The following FBH1 variants were observed in gnomAD, a reference collection of about 807,000 sequenced individuals.
The protein encoded by FBH1 is DNA 3'-5' helicase 1.
FBH1 carries 43 observed loss-of-function variants against 115.5 expected under a neutral mutation model. The ratio of observed to expected loss-of-function variants is 0.37; its 90% CI spans 0.29 to 0.48. The LOEUF (loss-of-function observed/expected upper bound fraction) is 0.48. FBH1 is among the 20% of genes least tolerant of loss of function. The probability of loss-of-function intolerance (pLI) is 0.99; values close to 1 mark genes in which losing one functional copy is unlikely to be tolerated. For missense variants in FBH1, 1,001 were observed against 1,337.3 expected, an observed-to-expected ratio of 0.75 and a Z score of 3.92; for synonymous variants, 524 against 507.8, an observed-to-expected ratio of 1.03 and a Z score of -0.43.
chr10:5,931,907 G>A lies in FBH1; in HGVS notation c.2829+4366G>A, dbSNP rs184983249. Among the ~76,000 whole-genome samples, 138 of 152,318 alleles carry A rather than the reference G, an allele frequency of 9.1e-4. No homozygotes were observed. The highest frequency in any genetic ancestry group is 3.2e-3 in the African/African-American group (131 of 41,564). On this transcript the variant is annotated intron_variant, in intron 19 of 20. Transcript: ENST00000362091. This position sits in a 1 kb window ranked among gnomAD's most constrained non-coding sequence, Gnocchi z 4.3. ...CCCTGTAATCCCAGCACTTTGCGGGGCTGAGGCAGACAGGTCACTTTAAGT... is the reference window on the plus strand; with the variant it reads ...CCCTGTAATCCCAGCACTTTGCGGGACTGAGGCAGACAGGTCACTTTAAGT...
rs2132131823 is a variant in FBH1 at position 5,933,387 on chromosome 10, C to G, written c.2830-3069C>G. Among the ~76,000 whole-genome samples the G allele has an allele frequency of 6.6e-6, 1 of 152,212 alleles. No homozygotes were observed. Among genetic ancestry groups the G allele is most frequent in the Non-Finnish European group, 1.5e-5 (1 of 67,994 alleles). On this transcript the variant is annotated intron_variant, in intron 19 of 20. Transcript: ENST00000362091. The surrounding 1 kb of genome is among the most constrained non-coding windows in gnomAD (Gnocchi z 4.9). ...TGGGCAACAAAGTGAGACTCTGTCTCAAAACAAACAAACAAAAAAGTGAAG... is the reference window on the plus strand; with the variant it reads ...TGGGCAACAAAGTGAGACTCTGTCTGAAAACAAACAAACAAAAAAGTGAAG...
chr10:5,908,808 A>G (rs632639), intron 3 of FBH1, 117 bp from the exon 4 acceptor site: 1,035,434 of 1,150,112 alleles, frequency 0.9, 466,743 homozygotes, highest in African/African-American at 0.96. Context: ...ACGGGGCTTC[A>G]CCATGTTGGC....
At position 5,903,002 on chromosome 10, in the gene FBH1, CCTG is replaced by C; in HGVS notation, c.2-14_2-12del. 2 of 1,592,088 alleles carry C rather than the reference CCTG, an allele frequency of 1.3e-6. No individual in the cohort carries two copies. The highest frequency in any genetic ancestry group is 1.7e-6 in the Non-Finnish European group (2 of 1,166,212). On this transcript the variant is annotated splice_polypyrimidine_tract_variant and intron_variant, in intron 1 of 20. Coordinates refer to ENST00000362091, the MANE Select transcript of FBH1 (RefSeq NM_178150.3). The stretch of plus-strand genomic sequence containing the variant: ...ACTAATGAATATCCCCTTTCTTCTA[CCTG>C]CTGGTATGAAACAGTGAGACGGTTT...
chr10:5,936,427 G>A lies in FBH1; in HGVS notation c.2830-29G>A, dbSNP rs200927571. 4.2e-5 allele frequency: 67 copies of A among 1,610,142 alleles called. No homozygotes were observed. The African/African-American group carries it at 8.1e-4, about 20-fold the overall frequency. On this transcript the variant is annotated intron_variant, in intron 19 of 20. Coordinates refer to ENST00000362091, the MANE Select transcript of FBH1 (RefSeq NM_178150.3). The surrounding 1 kb of genome is among the most constrained non-coding windows in gnomAD (Gnocchi z 5.6). ...TAGACCCTAACGGAGGTGTCGCCAT[G>A]ACTCTCTTTCTCGCTCTTTCTTTCT...
rs2132043492 is a variant in FBH1 at position 5,921,146 on chromosome 10, G to C, written c.2101-112G>C. The C allele has an allele frequency of 1.1e-6, 1 of 909,954 alleles. No homozygotes were observed. Among genetic ancestry groups the C allele is most frequent in the South Asian group, 1.6e-5 (1 of 61,926 alleles). The allele number at this position is 909,954 out of a possible 1,614,324, so 56.4% of individuals were successfully genotyped here. A position where few individuals can be genotyped will look rare whatever the true frequency, so the allele number is the denominator to read the frequency against. The stretch of plus-strand genomic sequence containing the variant: ...TGTGAAGTTCGCTTTCCATGCGGGG[G>C]GTCAGGAACAACTTGTAGGGTCTGG... On this transcript the variant is annotated intron_variant, in intron 13 of 20. Transcript: ENST00000362091. This position sits in a 1 kb window ranked among gnomAD's most constrained non-coding sequence, Gnocchi z 6.4.
chr10:5,909,785 T>A lies in FBH1; in HGVS notation c.1020+491T>A, dbSNP rs1449335825. 6.6e-6 allele frequency among the ~76,000 whole-genome samples: 1 copy of A among 152,222 alleles called. No homozygotes were observed. Among genetic ancestry groups the A allele is most frequent in the Non-Finnish European group, 1.5e-5 (1 of 68,044 alleles). ...GTTCAGGGATTCCCAGATTTTATCT[T>A]CGAAGCTACGTGCAACCTCTGCGTG... On this transcript the variant is annotated intron_variant, in intron 5 of 20. Transcript: ENST00000362091. The surrounding 1 kb of genome is among the most constrained non-coding windows in gnomAD (Gnocchi z 4.4).
At position 5,937,332 on chromosome 10, in the gene FBH1, G is replaced by T. The variant is rs952524566; in HGVS notation, c.*52G>T. ...CAGAGCAGCTTGCCGAGGACCCCGC[G>T]TGAAGAAAGCCAGCGAGGGGGGCTT... On this transcript the variant is annotated 3_prime_UTR_variant, in exon 21 of 21. Coordinates refer to ENST00000362091, the MANE Select transcript of FBH1 (RefSeq NM_178150.3). 1.4e-6 allele frequency: 2 copies of T among 1,437,552 alleles called. No individual in the cohort carries two copies. Among genetic ancestry groups the T allele is most frequent in the Non-Finnish European group, 1.8e-6 (2 of 1,088,454 alleles). The allele number at this position is 1,437,552 out of a possible 1,614,324, so 89.0% of individuals were successfully genotyped here.
rs1333489766 is a variant in FBH1, at chr10:5,932,258, T to G, written c.2830-4198T>G. 6.6e-6 allele frequency among the ~76,000 whole-genome samples: 1 copy of G among 152,248 alleles called. No homozygotes were observed. The highest frequency in any genetic ancestry group is 1.5e-5 in the Non-Finnish European group (1 of 68,050). On this transcript the variant is annotated intron_variant, in intron 19 of 20. Coordinates refer to ENST00000362091, the MANE Select transcript of FBH1 (RefSeq NM_178150.3). The surrounding 1 kb of genome is among the most constrained non-coding windows in gnomAD (Gnocchi z 5.9). ...GTTATTTTAAACAATTAGCGATTAA[T>G]CCTTCAGTATTTCTTTATGCAAGTA...
upstream of FBH1, chr10:5,889,710 C>A (rs569682714): frequency 2.1e-4 from 35 of 166,874 alleles, no homozygotes; most frequent in African/African-American, 7.8e-4. Context: ...CCTGGAGCTG[C>A]AGCGGCCCGT....
Position 5,915,307 on chromosome 10 carries a change from C to A in FBH1, c.1397-96C>A. ...ACTTGTTACTGTCCTGCTCTCAAGA[C>A]AGAGGTGTGATAAGCCTGGACAAGG... On this transcript the variant is annotated intron_variant, in intron 8 of 20. Coordinates refer to ENST00000362091, the MANE Select transcript of FBH1 (RefSeq NM_178150.3). This position sits in a 1 kb window ranked among gnomAD's most constrained non-coding sequence, Gnocchi z 5.2. 7.7e-7 allele frequency: 1 copy of A among 1,292,284 alleles called. No homozygotes were observed. Among genetic ancestry groups the A allele is most frequent in the Non-Finnish European group, 1.1e-6 (1 of 928,296 alleles). The allele number at this position is 1,292,284 out of a possible 1,614,324, so 80.1% of individuals were successfully genotyped here.
chr10:5,920,349 A>ATG (rs1204732339), intron 13 of FBH1, among the ~76,000 whole-genome samples: 9 of 152,264 alleles, frequency 5.9e-5, no homozygotes, highest in African/African-American at 2.2e-4. Context: ...CACCTGGCTG[A>ATG]TGTAGTGTTT....
chr10:5,917,405 T>G lies in FBH1; in HGVS notation c.1789-15T>G. On this transcript the variant is annotated splice_polypyrimidine_tract_variant and intron_variant, in intron 10 of 20. Coordinates refer to ENST00000362091, the MANE Select transcript of FBH1 (RefSeq NM_178150.3). This position sits in a 1 kb window ranked among gnomAD's most constrained non-coding sequence, Gnocchi z 5.6. ...GGGTCTCAAACTCTGGGTTACCATA[T>G]GCTTTACTTCCTAGAATGGTGTCCT... The G allele has an allele frequency of 6.2e-7, 1 of 1,612,314 alleles. No homozygotes were observed. Among genetic ancestry groups the G allele is most frequent in the Non-Finnish European group, 8.5e-7 (1 of 1,178,776 alleles).
rs1833025401 is a variant in FBH1, at chr10:5,932,551, T to A, written c.2830-3905T>A. 6.6e-6 allele frequency among the ~76,000 whole-genome samples: 1 copy of A among 152,244 alleles called. No individual in the cohort carries two copies. Among genetic ancestry groups the A allele is most frequent in the East Asian group, 1.9e-4 (1 of 5,198 alleles). On this transcript the variant is annotated intron_variant, in intron 19 of 20. Coordinates refer to ENST00000362091, the MANE Select transcript of FBH1 (RefSeq NM_178150.3). The surrounding 1 kb of genome is among the most constrained non-coding windows in gnomAD (Gnocchi z 5.9). ...TGACGCACTGTGATTTATGCCGTTC[T>A]CGCTCATGGACGTGGTCACTTCCAG...
At chr10:5,922,997 C>G (rs1486383523) in intron 15 of FBH1, among the ~76,000 whole-genome samples, 2 of 152,146 alleles carry the variant, frequency 1.3e-5, no homozygotes, top group Admixed American at 6.5e-5. Flanking sequence ...ATTCTCGTGC[C>G]TCGGCCTCCT....
rs1832140637 is a variant in FBH1, at chr10:5,918,853, A to G, written c.2100+375A>G. On this transcript the variant is annotated intron_variant, in intron 13 of 20. Transcript: ENST00000362091. The surrounding 1 kb of genome is among the most constrained non-coding windows in gnomAD (Gnocchi z 4.0). The stretch of plus-strand genomic sequence containing the variant: ...AAATAACTGACAGTGTTTGTTGTCA[A>G]AAGTAACATCTTTGCTTTCAAGTGA... Among the ~76,000 whole-genome samples, 1 of 152,250 alleles carries G rather than the reference A, an allele frequency of 6.6e-6. No individual in the cohort carries two copies. Among genetic ancestry groups the G allele is most frequent in the African/African-American group, 2.4e-5 (1 of 41,462 alleles).
rs1831762881 is a variant in FBH1 at position 5,913,873 on chromosome 10, C to T, written c.1304+34C>T. ...ATATGTGCGTCAGCGTGTGTTTTGT[C>T]TTCTGTCGACTCTTCCTCATACTTA... On this transcript the variant is annotated intron_variant, in intron 7 of 20. Coordinates refer to ENST00000362091, the MANE Select transcript of FBH1 (RefSeq NM_178150.3). This position sits in a 1 kb window ranked among gnomAD's most constrained non-coding sequence, Gnocchi z 4.4. 2 of 1,468,656 alleles carry T rather than the reference C, an allele frequency of 1.4e-6. No individual in the cohort carries two copies. The highest frequency in any genetic ancestry group is 1.7e-4 in the Middle Eastern group (1 of 5,806). 91.0% of individuals were successfully genotyped at this position (1,468,656 alleles called of 1,614,324 possible).
At position 5,900,437 on chromosome 10, in the gene FBH1, T is replaced by G. The variant is rs892305304; in HGVS notation, c.2-2583T>G. On this transcript the variant is annotated intron_variant, in intron 1 of 20. Transcript: ENST00000362091. The surrounding 1 kb of genome is among the most constrained non-coding windows in gnomAD (Gnocchi z 4.2). ...CCAGCTGAGGGTGCCAGCCCAGCCCTCCCGCCAGGCCCTCGCCGGCTCACC... is the reference window on the plus strand; with the variant it reads ...CCAGCTGAGGGTGCCAGCCCAGCCCGCCCGCCAGGCCCTCGCCGGCTCACC... 2.0e-5 allele frequency among the ~76,000 whole-genome samples: 3 copies of G among 152,184 alleles called. No homozygotes were observed. The highest frequency in any genetic ancestry group is 7.2e-5 in the African/African-American group (3 of 41,440).
chr10:5,922,816 C>T (rs1832389808), intron 15 of FBH1, among the ~76,000 whole-genome samples: 1 of 152,198 alleles, frequency 6.6e-6, no homozygotes, highest in South Asian at 2.1e-4. Context: ...CTAAACAGGG[C>T]ACAGTCAGGC....
At chr10:5,929,911 C>T (rs1464353479) in intron 19 of FBH1, 1 of 152,110 alleles carries the variant, frequency 6.6e-6, no homozygotes, top group African/African-American at 2.4e-5. Flanking sequence ...TTTAGACCCT[C>T]CAGTATGGTT....
Sources: allele counts gnomAD v4.1 joint callset (sites outside exome capture counted in the v4.1 genomes callset), GRCh38; gene constraint gnomAD v4.1.1; non-coding constraint Gnocchi (gnomAD v3.1); transcripts MANE v1.5; gene names NCBI Gene and HGNC (gene_info 2026-07-23, HGNC 2026-07-21).